Variants in ALDH1A2 observed in about 807,000 individuals in gnomAD.
The protein encoded by ALDH1A2 is aldehyde dehydrogenase 1 family member A2.
A neutral mutation model predicts 60.3 loss-of-function variants in ALDH1A2; 27 were observed. That is an observed-to-expected ratio of 0.45 (90% confidence interval 0.33 to 0.62). ALDH1A2 has a LOEUF of 0.62. Among genes scored for constraint, ALDH1A2 ranks in the 20% least tolerant of loss-of-function variants. The pLI is 0.02. For missense variants in ALDH1A2, 581 were observed against 643.8 expected, an observed-to-expected ratio of 0.90 and a Z score of 1.06; for synonymous variants, 289 against 232.4, an observed-to-expected ratio of 1.24 and a Z score of -2.21.
chr15:57,955,774 T>C (rs746388042), intron 12 of ALDH1A2, among the ~76,000 whole-genome samples: 4 of 152,016 alleles, frequency 2.6e-5, no homozygotes, highest in African/African-American at 9.7e-5. Context: ...AGGGTGGGAG[T>C]GGGTTGCATG....
intron 1 of ALDH1A2, among the ~76,000 whole-genome samples, chr15:58,044,631 G>A (rs1296934322): frequency 6.6e-6 from 1 of 152,010 alleles, no homozygotes; most frequent in African/African-American, 2.4e-5. Flanking sequence ...CTTCCCAGGT[G>A]CAGAAGCAGA....
chr15:57,965,572 C>T (rs1454750859), intron 8 of ALDH1A2, among the ~76,000 whole-genome samples, 153 bp downstream of exon 8: 2 of 152,142 alleles, frequency 1.3e-5, no homozygotes, highest in Non-Finnish European at 2.9e-5. Context: ...GTGCTCTTTC[C>T]CCATTATTAA....
chr15:58,039,391 C>T (rs1436828808), intron 1 of ALDH1A2, among the ~76,000 whole-genome samples: 2 of 151,614 alleles, frequency 1.3e-5, no homozygotes, highest in African/African-American at 4.8e-5. Flanking sequence ...GGGATAACCC[C>T]GGGAAAGGAA....
intron 4 of ALDH1A2, among the ~76,000 whole-genome samples, chr15:58,003,683 C>T (rs1020938645): frequency 6.6e-6 from 1 of 151,812 alleles, no homozygotes; most frequent in Admixed American, 6.6e-5. Flanking sequence ...AGCGTTGATC[C>T]TTCCTTCATC....
intron 3 of ALDH1A2, 131 bp downstream of exon 3, chr15:58,013,726 TG>T: frequency 7.9e-7 from 1 of 1,265,624 alleles, no homozygotes; most frequent in Non-Finnish European, 1.1e-6. Flanking sequence ...CGCTCCAGCC[TG>T]GGCGACAGAG....
chr15:58,061,252 A>C (rs1595699224), intron 1 of ALDH1A2, among the ~76,000 whole-genome samples: 1 of 151,914 alleles, frequency 6.6e-6, no homozygotes, highest in East Asian at 1.9e-4. Context: ...CAAACACCAA[A>C]AAGCTGCATA....
At chr15:57,965,900 G>T in intron 7 of ALDH1A2, 73 bp from the exon 8 acceptor site, 1 of 1,107,854 alleles carries the variant, frequency 9.0e-7, no homozygotes, top group South Asian at 1.2e-5. Context: ...TGCCAGCTCA[G>T]GGCATCAATG....
intron 3 of ALDH1A2, among the ~76,000 whole-genome samples, chr15:58,013,279 T>C (rs1431339028): frequency 1.3e-5 from 2 of 152,178 alleles, no homozygotes; most frequent in African/African-American, 2.4e-5. Context: ...CATTTGATAC[T>C]CGTTTTCTGC....
intron 1 of ALDH1A2, among the ~76,000 whole-genome samples, chr15:58,057,128 A>G (rs1409482358): frequency 1.3e-5 from 2 of 152,150 alleles, no homozygotes; most frequent in East Asian, 1.9e-4. Flanking sequence ...GGAATGTCCA[A>G]TGCAGCATTA....
intron 1 of ALDH1A2, among the ~76,000 whole-genome samples, chr15:58,056,100 G>C (rs566358852): frequency 1.3e-5 from 2 of 152,114 alleles, no homozygotes; most frequent in African/African-American, 4.8e-5. Context: ...TTCTGTTCCA[G>C]ATAATGTAAG....
chr15:57,971,494 T>C (rs1183103314), intron 7 of ALDH1A2, among the ~76,000 whole-genome samples: 1 of 152,214 alleles, frequency 6.6e-6, no homozygotes, highest in Non-Finnish European at 1.5e-5. Flanking sequence ...AGTATGATTA[T>C]GGCTCACTGC....
At chr15:57,988,084 CAAT>C (rs1343264151) in intron 7 of ALDH1A2, among the ~76,000 whole-genome samples, 3 of 152,072 alleles carry the variant, frequency 2.0e-5, no homozygotes, top group East Asian at 1.9e-4. Flanking sequence ...AGTAAACAGA[CAAT>C]AATTTTGTAT....
intron 1 of ALDH1A2, among the ~76,000 whole-genome samples, chr15:58,026,987 C>T (rs1363504492): frequency 2.6e-5 from 4 of 152,182 alleles, no homozygotes; most frequent in African/African-American, 9.6e-5. Context: ...CAGACTTAAA[C>T]GTCCCTGAAG....
At chr15:57,996,319 CTT>C (rs1555401799) in intron 4 of ALDH1A2, among the ~76,000 whole-genome samples, 3 of 151,768 alleles carry the variant, frequency 2.0e-5, no homozygotes, top group Non-Finnish European at 2.9e-5. Context: ...CTCTCTCTCT[CTT>C]ACTCTCCCAG....
chr15:58,065,195 G>A (rs1897144899), intron 1 of ALDH1A2: 1 of 330,256 alleles, frequency 3.0e-6, no homozygotes, highest in Non-Finnish European at 5.8e-6. Flanking sequence ...CTCCATCTGA[G>A]GATACTAAGC....
intron 1 of ALDH1A2, among the ~76,000 whole-genome samples, chr15:58,046,256 A>G (rs1566959759): frequency 6.6e-6 from 1 of 152,032 alleles, no homozygotes; most frequent in Non-Finnish European, 1.5e-5. Flanking sequence ...TGGCTTTTTG[A>G]AAGCCAATTA....
intron 1 of ALDH1A2, among the ~76,000 whole-genome samples, chr15:58,057,047 G>A (rs372703801): frequency 6.6e-6 from 1 of 152,188 alleles, no homozygotes; most frequent in South Asian, 2.1e-4. Flanking sequence ...TATACTCCAT[G>A]AGCCAGCAAT....
intron 1 of ALDH1A2, among the ~76,000 whole-genome samples, chr15:58,059,074 GA>G (rs1896961737): frequency 1.3e-5 from 2 of 152,134 alleles, no homozygotes; most frequent in African/African-American, 4.8e-5. Context: ...GATTTTGAAG[GA>G]AAACAATTTA....
chr15:57,961,947 C>T (rs1893734128), intron 10 of ALDH1A2, 65 bp downstream of exon 10: 15 of 1,591,854 alleles, frequency 9.4e-6, no homozygotes, highest in Non-Finnish European at 1.1e-5. Flanking sequence ...ATATCATCCA[C>T]TAGAAATGCT....
Sources: gnomAD v4.1 joint callset for allele counts (sites outside exome capture counted in the v4.1 genomes callset) on GRCh38, gnomAD v4.1.1 for gene constraint, MANE v1.5 for transcripts, NCBI Gene and HGNC (gene_info 2026-07-23, HGNC 2026-07-21) for gene names.